The following SCRG1 variants were observed in gnomAD, a reference collection of about 807,000 sequenced individuals.
The protein encoded by SCRG1 is stimulator of chondrogenesis 1.
SCRG1 carries 3 observed loss-of-function variants against 7.7 expected under a neutral mutation model. The observed-to-expected ratio is 0.39, with a 90% CI of 0.18 to 1.01. The LOEUF is 1.01. SCRG1 is among the 50% of genes least tolerant of loss of function. SCRG1 has a pLI of 0.36. For synonymous variants in SCRG1, 46 were observed against 41.2 expected (o/e 1.12, Z -0.44); for missense variants, 110 against 117.2 (o/e 0.94, Z 0.28).
chr4:173,411,797 G>A, the SCRG1 span, among the ~76,000 whole-genome samples: 1 of 141,810 alleles, frequency 7.1e-6, no homozygotes, highest in East Asian at 2.2e-4. Context: ...ACTAAATGCT[G>A]CTTGTCTCTA....
chr4:173,397,328 T>C (rs986100057), intron 1 of SCRG1, among the ~76,000 whole-genome samples: 8 of 152,198 alleles, frequency 5.3e-5, no homozygotes, highest in African/African-American at 1.7e-4. Flanking sequence ...ATTGGTCTTT[T>C]TTTTTTCTTT....
the SCRG1 span, among the ~76,000 whole-genome samples, chr4:173,422,964 A>G: frequency 1.3e-5 from 2 of 152,306 alleles, no homozygotes; most frequent in South Asian, 4.1e-4. Flanking sequence ...ACTGTTTTAT[A>G]AAAAGCAGTC....
the SCRG1 span, among the ~76,000 whole-genome samples, chr4:173,483,958 T>TATCATATATAA: frequency 1.1e-5 from 1 of 89,642 alleles, no homozygotes; most frequent in African/African-American, 4.7e-5. Context: ...ATATAATATA[T>TATCATATATAA]TATATATTTT....
At chr4:173,424,897 T>TTAAAATAAAATAAAATAAAA in the SCRG1 span, among the ~76,000 whole-genome samples, 23,647 of 130,700 alleles carry the variant, frequency 0.18, 2,550 homozygotes, top group South Asian at 0.23. Flanking sequence ...AGACTCCATC[T>TTAAAATAAAATAAAATAAAA]TAAAATAAAA....
the SCRG1 span, among the ~76,000 whole-genome samples, chr4:173,439,912 C>T: frequency 6.6e-6 from 1 of 152,166 alleles, no homozygotes; most frequent in East Asian, 1.9e-4. Context: ...TTATTTTCCT[C>T]TTAGGTTGTA....
chr4:173,447,990 T>A, the SCRG1 span, among the ~76,000 whole-genome samples: 1 of 152,014 alleles, frequency 6.6e-6, no homozygotes, highest in Non-Finnish European at 1.5e-5. Flanking sequence ...TGTAATCCCA[T>A]CTACTTGGGA....
chr4:173,394,612 C>T (rs970553304), intron 1 of SCRG1, among the ~76,000 whole-genome samples: 1 of 151,966 alleles, frequency 6.6e-6, no homozygotes, highest in African/African-American at 2.4e-5. Flanking sequence ...GCCACTGCAC[C>T]TGAGTCTGGG....
the SCRG1 span, among the ~76,000 whole-genome samples, chr4:173,497,045 G>C: frequency 0.079 from 12,000 of 152,226 alleles, 599 homozygotes; most frequent in Middle Eastern, 0.12. Flanking sequence ...GGCAGAGCGT[G>C]CAGTGAGCTG....
chr4:173,507,525 T>C, the SCRG1 span, among the ~76,000 whole-genome samples: 2 of 152,312 alleles, frequency 1.3e-5, no homozygotes, highest in East Asian at 1.9e-4. The surrounding 1 kb of genome is among the most constrained non-coding windows in gnomAD (Gnocchi z 4.4). Flanking sequence ...CTTTTAAAAA[T>C]AGCCGATCTA....
chr4:173,466,742 G>A, the SCRG1 span, among the ~76,000 whole-genome samples: 3 of 152,146 alleles, frequency 2.0e-5, no homozygotes, highest in African/African-American at 7.2e-5. Context: ...AGTTGACAAA[G>A]TAATGTACTT....
chr4:173,497,868 C>T, the SCRG1 span, among the ~76,000 whole-genome samples: 1 of 151,920 alleles, frequency 6.6e-6, no homozygotes, highest in African/African-American at 2.4e-5. Flanking sequence ...TTAGTAGAGA[C>T]AGGGTTTTAC....
chr4:173,444,442 A>G, the SCRG1 span, among the ~76,000 whole-genome samples: 1 of 152,222 alleles, frequency 6.6e-6, no homozygotes, highest in Non-Finnish European at 1.5e-5. Context: ...CTCTGTTACA[A>G]CCATTGTACT....
chr4:173,500,525 G>A, the SCRG1 span, among the ~76,000 whole-genome samples: 2 of 152,186 alleles, frequency 1.3e-5, no homozygotes, highest in Admixed American at 1.3e-4. Flanking sequence ...CGTTGCTGAA[G>A]CTGGAGTGCA....
chr4:173,436,136 G>A, the SCRG1 span, among the ~76,000 whole-genome samples: 3 of 152,130 alleles, frequency 2.0e-5, no homozygotes, highest in South Asian at 2.1e-4. Flanking sequence ...TCAGCCAATC[G>A]CCTGGTGGAG....
At chr4:173,498,227 A>T in the SCRG1 span, among the ~76,000 whole-genome samples, 1 of 152,170 alleles carries the variant, frequency 6.6e-6, no homozygotes, top group South Asian at 2.1e-4. Flanking sequence ...AGGAACTGAA[A>T]CCTTGTCCCA....
chr4:173,419,607 T>C, the SCRG1 span: 1 of 725,016 alleles, frequency 1.4e-6, no homozygotes, highest in Non-Finnish European at 2.5e-6. Context: ...AGGATTCATT[T>C]GGTACTGTGA....
the SCRG1 span, among the ~76,000 whole-genome samples, chr4:173,451,133 T>C: frequency 1.3e-5 from 2 of 151,966 alleles, no homozygotes; most frequent in Admixed American, 1.3e-4. Flanking sequence ...CCAAGGACAC[T>C]AGAAGTCAGG....
the SCRG1 span, chr4:173,419,553 G>A: frequency 2.6e-5 from 19 of 728,792 alleles, no homozygotes; most frequent in African/African-American, 1.2e-4. Flanking sequence ...ATGTGCTTCC[G>A]GTGTACTTCT....
At chr4:173,505,582 C>G in the SCRG1 span, among the ~76,000 whole-genome samples, 1 of 152,170 alleles carries the variant, frequency 6.6e-6, no homozygotes, top group Non-Finnish European at 1.5e-5. This position sits in a 1 kb window ranked among gnomAD's most constrained non-coding sequence, Gnocchi z 4.4. Context: ...CCAAGCAACT[C>G]CCAAACCACA....
Sources: allele counts gnomAD v4.1 joint callset (sites outside exome capture counted in the v4.1 genomes callset), GRCh38; gene constraint gnomAD v4.1.1; non-coding constraint Gnocchi (gnomAD v3.1); transcripts MANE v1.5; gene names NCBI Gene and HGNC (gene_info 2026-07-23, HGNC 2026-07-21).